THSD7B: variants seen among roughly 807,000 people sequenced by gnomAD.
The protein encoded by THSD7B is thrombospondin type 1 domain containing 7B, also known as thrombospondin type-1 domain-containing protein 7B.
Under a neutral mutation model 213.6 loss-of-function variants are expected in THSD7B, and 138 were observed. The observed-to-expected ratio is 0.65, with a 90% CI of 0.56 to 0.74. The LOEUF (loss-of-function observed/expected upper bound fraction) is 0.74. Among genes scored for constraint, THSD7B ranks in the 30% least tolerant of loss-of-function variants. The pLI is 0.00. For missense variants in THSD7B, 1,931 were observed against 1,991.5 expected, an observed-to-expected ratio of 0.97 and a Z score of 0.58; for synonymous variants, 742 against 687.0, an observed-to-expected ratio of 1.08 and a Z score of -1.25.
At chr2:136,936,116 T>G (rs1036952821) in intron 2 of THSD7B, among the ~76,000 whole-genome samples, 1 of 151,794 alleles carries the variant, frequency 6.6e-6, no homozygotes, top group African/African-American at 2.4e-5. Context: ...AAAATCACAG[T>G]GCAATACCAC....
In THSD7B at chr2:137,560,565, G is replaced by A. The variant is rs567213156; in HGVS notation, c.3139-2656G>A. Among the ~76,000 whole-genome samples the A allele has an allele frequency of 2.6e-5, 4 of 152,214 alleles. No homozygotes were observed. In the East Asian group the frequency reaches 7.7e-4, roughly 29 times the overall value. On this transcript the variant is annotated intron_variant, in intron 15 of 27. Transcript: ENST00000409968. ...CATCACACACCGGGGCCTGTTGTGG[G>A]GTGGGTGGAAGGGAGAGGGATAGCA...
intron 17 of THSD7B, among the ~76,000 whole-genome samples, chr2:137,603,012 G>C (rs1050528357): frequency 2.2e-4 from 34 of 152,212 alleles, no homozygotes; most frequent in African/African-American, 7.7e-4. Context: ...TTTGTTTTTG[G>C]TGGTGCTTGA....
intron 12 of THSD7B, among the ~76,000 whole-genome samples, chr2:137,389,402 A>ACTTTTTTTTTTTTTT (rs1685967896): frequency 5.3e-5 from 2 of 38,052 alleles, no homozygotes; most frequent in Non-Finnish European, 4.4e-5. Context: ...TCTTAATGTG[A>ACTTTTTTTTTTTTTT]TTTTTTTTTT....
chr2:137,566,461 A>T (rs1184526835), intron 16 of THSD7B, among the ~76,000 whole-genome samples: 5 of 152,136 alleles, frequency 3.3e-5, no homozygotes, highest in Non-Finnish European at 7.4e-5. Flanking sequence ...GTATGATCTG[A>T]TTGGATCTTG....
At chr2:137,148,454 A>T (rs1240671791) in intron 5 of THSD7B, among the ~76,000 whole-genome samples, 1 of 152,160 alleles carries the variant, frequency 6.6e-6, no homozygotes, top group Middle Eastern at 3.2e-3. Context: ...AGGTTAGAAC[A>T]GTTTGGAGGG....
chr2:137,126,674 T>C (rs2104948791), intron 5 of THSD7B, among the ~76,000 whole-genome samples: 1 of 152,294 alleles, frequency 6.6e-6, no homozygotes, highest in East Asian at 1.9e-4. Context: ...CCTCAAAAAC[T>C]TTTTCTTTGC....
Position 137,247,654 on chromosome 2 carries a change from C to T in THSD7B, c.2266+5082C>T, listed in dbSNP as rs192926019. ...GAGCTAGAGAGCAGTGTCATGGTAACAGGAAGGCCAACAGCAGAGACTGCT... is the reference window on the plus strand; with the variant it reads ...GAGCTAGAGAGCAGTGTCATGGTAATAGGAAGGCCAACAGCAGAGACTGCT... On this transcript the variant is annotated intron_variant, in intron 10 of 27. Coordinates refer to ENST00000409968, the MANE Select transcript of THSD7B (RefSeq NM_001316349.2). Among the ~76,000 whole-genome samples the T allele has an allele frequency of 3.8e-3, 574 of 152,224 alleles. 4 individuals carry two copies. Among genetic ancestry groups the T allele is most frequent in the Non-Finnish European group, 6.4e-3 (436 of 67,996 alleles).
rs368277775 is a variant in THSD7B, at chr2:137,667,818, T to A, written c.4696T>A (p.Phe1566Ile). 5.0e-6 allele frequency: 8 copies of A among 1,605,420 alleles called. No individual in the cohort carries two copies. Among genetic ancestry groups the A allele is most frequent in the Non-Finnish European group, 6.0e-6 (7 of 1,175,300 alleles). Residue 1566 changes from phenylalanine to isoleucine, a missense_variant, in exon 27 of 28, where the codon TTT becomes ATT. Physicochemically the swap from Phe to Ile is conservative, Grantham distance 21. Coordinates refer to ENST00000409968, the MANE Select transcript of THSD7B (RefSeq NM_001316349.2). ...IWVYGVSGGA[F>I]LIMIFLIFTS... ...GGTTTATGGCGTTTCAGGTGGCGCT[T>A]TTCTCATCATGATTTTCCTAATATT... is the stretch of plus-strand genomic sequence containing the variant.
At chr2:137,048,647 G>A (rs565516626) in intron 2 of THSD7B, among the ~76,000 whole-genome samples, 4 of 152,278 alleles carry the variant, frequency 2.6e-5, no homozygotes, top group South Asian at 4.1e-4. Flanking sequence ...TATTTTTAAA[G>A]CTTGTATGCA....
At chr2:137,572,126 T>G (rs1681366551) in intron 16 of THSD7B, among the ~76,000 whole-genome samples, 1 of 152,180 alleles carries the variant, frequency 6.6e-6, no homozygotes, top group Non-Finnish European at 1.5e-5. Flanking sequence ...TCTTGAAATA[T>G]AAAGTTCTTC....
chr2:136,937,331 C>T (rs1684752666), intron 2 of THSD7B, among the ~76,000 whole-genome samples: 1 of 151,886 alleles, frequency 6.6e-6, no homozygotes, highest in Non-Finnish European at 1.5e-5. Context: ...CTCTGCTCCC[C>T]CGCCACCCGC....
chr2:136,912,321 CAAAAAAAA>C (rs1159184476), intron 2 of THSD7B, among the ~76,000 whole-genome samples: 17 of 55,828 alleles, frequency 3.0e-4, no homozygotes, highest in Middle Eastern at 0.012. Context: ...GACTCCATCT[CAAAAAAAA>C]AAAAAAAAAA....
At chr2:137,249,437 A>G (rs1682119151) in intron 10 of THSD7B, among the ~76,000 whole-genome samples, 1 of 152,292 alleles carries the variant, frequency 6.6e-6, no homozygotes, top group Admixed American at 6.5e-5. Context: ...AGTCTGGTCT[A>G]AACTCCTTCA....
chr2:137,625,979 AGAGT>A (rs1196186611), intron 20 of THSD7B, among the ~76,000 whole-genome samples: 9 of 152,230 alleles, frequency 5.9e-5, no homozygotes, highest in Non-Finnish European at 1.3e-4. Context: ...TAGACTCTCC[AGAGT>A]GACAGCATGG....
chr2:137,310,661 C>G (rs1219395450), intron 12 of THSD7B, among the ~76,000 whole-genome samples: 1 of 152,046 alleles, frequency 6.6e-6, no homozygotes, highest in African/African-American at 2.4e-5. Flanking sequence ...GGCTTTAATC[C>G]ATCTTGAATT....
intron 2 of THSD7B, among the ~76,000 whole-genome samples, chr2:136,983,356 CAG>C (rs796747476): frequency 0.011 from 1,571 of 137,178 alleles, 49 homozygotes; most frequent in African/African-American, 0.041. Context: ...CACAGACACA[CAG>C]ACACACACAC....
chr2:137,039,700 C>A (rs1052076563), intron 2 of THSD7B, among the ~76,000 whole-genome samples: 1 of 152,194 alleles, frequency 6.6e-6, no homozygotes. Context: ...AAACAGTGTC[C>A]TGCTGAAGGT....
chr2:137,260,935 G>A (rs889597284), intron 10 of THSD7B, among the ~76,000 whole-genome samples: 10 of 152,062 alleles, frequency 6.6e-5, no homozygotes, highest in African/African-American at 2.4e-4. Flanking sequence ...TTTGTTCAAC[G>A]ATTATTTACT....
chr2:137,046,678 C>T (rs554484631), intron 2 of THSD7B, among the ~76,000 whole-genome samples: 1 of 134,856 alleles, frequency 7.4e-6, no homozygotes, highest in Non-Finnish European at 1.5e-5. Flanking sequence ...TGCAGTGAGC[C>T]AAGATCACGC....
Sources: allele counts gnomAD v4.1 joint callset (sites outside exome capture counted in the v4.1 genomes callset), GRCh38; gene constraint gnomAD v4.1.1; transcripts MANE v1.5; gene names NCBI Gene and HGNC (gene_info 2026-07-23, HGNC 2026-07-21).